Variants in LRRC7 observed in about 807,000 individuals in gnomAD.
The protein encoded by LRRC7 is leucine rich repeat containing 7, also known as leucine-rich repeat-containing protein 7.
Under a neutral mutation model 175.7 loss-of-function variants are expected in LRRC7, and 23 were observed. The ratio of observed to expected loss-of-function variants is 0.13; its 90% CI spans 0.09 to 0.19. The LOEUF (loss-of-function observed/expected upper bound fraction) is 0.19. Ranked by LOEUF, LRRC7 falls within the 10% of genes least tolerant of loss-of-function variation. The probability of loss-of-function intolerance (pLI) is 1.00; values close to 1 mark genes in which losing one functional copy is unlikely to be tolerated. For synonymous variants in LRRC7, 685 were observed against 680.9 expected (o/e 1.01, Z -0.09); for missense variants, 1,354 against 1,904.7 (o/e 0.71, Z 5.38).
chr1:69,923,136 A>C (rs1485352503), intron 7 of LRRC7, among the ~76,000 whole-genome samples: 2 of 152,176 alleles, frequency 1.3e-5, no homozygotes, highest in African/African-American at 2.4e-5. Flanking sequence ...GTCCCTACAA[A>C]GGACATGAAC....
chr1:69,845,943 C>A (rs1027634138), intron 7 of LRRC7, among the ~76,000 whole-genome samples: 1 of 152,050 alleles, frequency 6.6e-6, no homozygotes, highest in Non-Finnish European at 1.5e-5. Flanking sequence ...ATGGTACCAT[C>A]CTCTTCAGGA....
At chr1:69,992,927 C>T (rs921108503) in intron 10 of LRRC7, among the ~76,000 whole-genome samples, 1 of 152,100 alleles carries the variant, frequency 6.6e-6, no homozygotes. Flanking sequence ...CTGTAACCCA[C>T]TCCCAAGCTT....
intron 18 of LRRC7, 103 bp downstream of exon 18, chr1:70,028,474 C>A: frequency 1.0e-6 from 1 of 1,001,910 alleles, no homozygotes; most frequent in Non-Finnish European, 1.5e-6. Context: ...GCATTTTTTT[C>A]CTAAAATATA....
At chr1:69,928,047 G>A (rs1647144625) in intron 7 of LRRC7, among the ~76,000 whole-genome samples, 2 of 152,210 alleles carry the variant, frequency 1.3e-5, no homozygotes, top group Admixed American at 6.5e-5. Flanking sequence ...CTGCAGGTCT[G>A]TTGGAGTTTG....
chr1:69,694,488 C>T (rs1436707177), intron 2 of LRRC7, among the ~76,000 whole-genome samples: 1 of 152,120 alleles, frequency 6.6e-6, no homozygotes, highest in Non-Finnish European at 1.5e-5. Context: ...TTCTGTTTCT[C>T]AGCTTCTGTT....
chr1:69,703,662 C>A (rs1485449456), intron 2 of LRRC7, among the ~76,000 whole-genome samples: 2 of 151,956 alleles, frequency 1.3e-5, no homozygotes, highest in Non-Finnish European at 2.9e-5. Context: ...AAACCTTCAA[C>A]AGTTACGTAA....
At position 69,903,214 on chromosome 1, in the gene LRRC7, T is replaced by C. The variant is rs138486557; in HGVS notation, c.648-28293T>C. ...TGGTTGAATAGGAACAGCTCCAGTC[T>C]GCAGCTCCCAGAAGAGACCAACACA... On this transcript the variant is annotated intron_variant, in intron 7 of 26. Coordinates refer to ENST00000651989, the MANE Select transcript of LRRC7 (RefSeq NM_001370785.2). 3.1e-4 allele frequency among the ~76,000 whole-genome samples: 47 copies of C among 152,290 alleles called. 1 individual carries two copies. The East Asian group carries it at 8.9e-3, about 29-fold the overall frequency.
chr1:69,677,373 A>G (rs1659922312), intron 1 of LRRC7, among the ~76,000 whole-genome samples: 1 of 151,568 alleles, frequency 6.6e-6, no homozygotes, highest in African/African-American at 2.4e-5. Context: ...ATTCTGGTGT[A>G]ATAAACATAT....
chr1:69,936,671 A>G (rs1648065861), intron 8 of LRRC7, among the ~76,000 whole-genome samples: 1 of 152,132 alleles, frequency 6.6e-6, no homozygotes, highest in African/African-American at 2.4e-5. Context: ...TCACCCAGGT[A>G]GTGAGCGTAG....
At chr1:69,994,429 G>C in intron 10 of LRRC7, 132 bp from the exon 11 acceptor site, 1 of 697,780 alleles carries the variant, frequency 1.4e-6, no homozygotes, top group Non-Finnish European at 2.5e-6. Context: ...AGTTTTATGA[G>C]TGTGTATTAG....
At chr1:69,745,752 T>C (rs1669186159) in intron 2 of LRRC7, among the ~76,000 whole-genome samples, 1 of 150,916 alleles carries the variant, frequency 6.6e-6, no homozygotes, top group Non-Finnish European at 1.5e-5. Context: ...TATGTATTTC[T>C]TAGTGGTGCA....
chr1:69,815,701 C>A (rs545272376), intron 4 of LRRC7, among the ~76,000 whole-genome samples: 4 of 152,068 alleles, frequency 2.6e-5, no homozygotes, highest in Non-Finnish European at 5.9e-5. Context: ...GTTCAGGGGG[C>A]TATAACAAAA....
intron 1 of LRRC7, among the ~76,000 whole-genome samples, chr1:69,589,372 T>C (rs1646539884): frequency 6.6e-6 from 1 of 152,104 alleles, no homozygotes; most frequent in Non-Finnish European, 1.5e-5. Flanking sequence ...CTCCATCCTT[T>C]CAAATCCTTC....
intron 3 of LRRC7, among the ~76,000 whole-genome samples, chr1:69,765,197 A>G (rs1671491578): frequency 6.6e-6 from 1 of 152,044 alleles, no homozygotes; most frequent in Admixed American, 6.6e-5. Flanking sequence ...TTAGTCCCCA[A>G]TTTTTACTGA....
At chr1:69,998,706 A>G (rs1259474414) in intron 11 of LRRC7, among the ~76,000 whole-genome samples, 1 of 152,190 alleles carries the variant, frequency 6.6e-6, no homozygotes, top group Non-Finnish European at 1.5e-5. Context: ...TGGCTCTTTG[A>G]AGACAAATTA....
chr1:69,695,657 T>C (rs1662487659), intron 2 of LRRC7, among the ~76,000 whole-genome samples: 1 of 152,180 alleles, frequency 6.6e-6, no homozygotes, highest in South Asian at 2.1e-4. Context: ...TGGAAAAGAA[T>C]GGTTTCAGGG....
intron 2 of LRRC7, 34 bp from the exon 3 acceptor site, chr1:69,760,157 T>C: frequency 6.2e-7 from 1 of 1,601,176 alleles, no homozygotes; most frequent in Non-Finnish European, 8.5e-7. Flanking sequence ...CTGGATAAGC[T>C]GTTTTGTTTT....
rs370562212 is a variant in LRRC7, at chr1:69,914,698, T to G, written c.648-16809T>G. Among the ~76,000 whole-genome samples, 13 of 152,288 alleles carry G rather than the reference T, an allele frequency of 8.5e-5. No individual in the cohort carries two copies. In the South Asian group the frequency reaches 2.7e-3, roughly 32 times the overall value. ...CTGGAAACTTAAATATTCTTAGACT[T>G]TAAGAACAGGTATAGAATAGGGTTG... On this transcript the variant is annotated intron_variant, in intron 7 of 26. Transcript: ENST00000651989.
At chr1:69,613,566 T>A (rs1378761163) in intron 1 of LRRC7, among the ~76,000 whole-genome samples, 2 of 152,062 alleles carry the variant, frequency 1.3e-5, no homozygotes, top group Admixed American at 1.3e-4. Flanking sequence ...GTGTATTAAA[T>A]GAAGCAGCCT....
Sources: allele counts gnomAD v4.1 joint callset (sites outside exome capture counted in the v4.1 genomes callset), GRCh38; gene constraint gnomAD v4.1.1; transcripts MANE v1.5; gene names NCBI Gene and HGNC (gene_info 2026-07-23, HGNC 2026-07-21).